The following PSMD12 variants were observed in gnomAD, a reference collection of about 807,000 sequenced individuals.
PSMD12 encodes the protein proteasome 26S subunit, non-ATPase 12, also known as 26S proteasome non-ATPase regulatory subunit 12.
In PSMD12, 8 loss-of-function variants were observed where a neutral mutation model predicts 62.9. The observed-to-expected ratio is 0.13, with a 90% CI of 0.07 to 0.23. The LOEUF (loss-of-function observed/expected upper bound fraction) is 0.23, where lower values mean the gene tolerates loss of function less well. PSMD12 is among the 10% of genes least tolerant of loss of function. The probability of loss-of-function intolerance (pLI) is 1.00; values close to 1 mark genes in which losing one functional copy is unlikely to be tolerated. For missense variants in PSMD12, 424 were observed against 550.2 expected (o/e 0.77, Z 2.29); for synonymous variants, 173 against 187.4 (o/e 0.92, Z 0.63).
intron 3 of PSMD12, among the ~76,000 whole-genome samples, chr17:67,356,315 T>C (rs1047425342): frequency 6.6e-6 from 1 of 151,428 alleles, no homozygotes; most frequent in Admixed American, 6.6e-5. Flanking sequence ...AAAATGAACT[T>C]TGGGAGGCCG....
chr17:67,357,959 T>C (rs914637634), intron 1 of PSMD12, among the ~76,000 whole-genome samples: 5 of 152,124 alleles, frequency 3.3e-5, no homozygotes, highest in African/African-American at 1.2e-4. Flanking sequence ...TCTCACTCTT[T>C]CACCCAGGCT....
chr17:67,345,564 C>A (rs2041957013), intron 8 of PSMD12, 181 bp downstream of exon 8: 2 of 549,664 alleles, frequency 3.6e-6, no homozygotes, highest in South Asian at 4.5e-5. Flanking sequence ...ATCACTTGAA[C>A]CCAGGAGGCA....
rs376729987 is a variant in PSMD12, at chr17:67,362,687, A to C, written c.108+3725T>G. ...AAAAAAAAAAAAACAAAAAAAACCC[A>C]AAAAAAAAACAAAAAAACAAAAAAA... On this transcript the variant is annotated intron_variant, in intron 1 of 10. Coordinates refer to ENST00000356126, the MANE Select transcript of PSMD12 (RefSeq NM_002816.5). The C allele has an allele frequency of 1.2e-3, 163 of 133,350 alleles. 1 individual carries two copies. The highest frequency in any genetic ancestry group is 4.0e-3 in the Middle Eastern group (1 of 252). The allele number at this position is 133,350 out of a possible 1,614,324, so 8.3% of individuals were successfully genotyped here.
At chr17:67,362,107 G>A (rs917638432) in intron 1 of PSMD12, among the ~76,000 whole-genome samples, 44 of 152,020 alleles carry the variant, frequency 2.9e-4, no homozygotes, top group Non-Finnish European at 1.9e-4. Flanking sequence ...GAGAATCAAA[G>A]GATACATTCA....
intron 3 of PSMD12, among the ~76,000 whole-genome samples, chr17:67,354,442 A>G (rs931858452): frequency 6.6e-6 from 1 of 152,080 alleles, no homozygotes; most frequent in Non-Finnish European, 1.5e-5. Flanking sequence ...AGCGTTAAGC[A>G]ACACCCCCTA....
intron 1 of PSMD12, among the ~76,000 whole-genome samples, chr17:67,358,219 G>T (rs768504789): frequency 3.9e-5 from 6 of 152,040 alleles, no homozygotes; most frequent in Non-Finnish European, 7.4e-5. Context: ...CACTGCATCT[G>T]GTGGATCCTG....
chr17:67,364,257 G>A (rs979004304), intron 1 of PSMD12, among the ~76,000 whole-genome samples: 2 of 151,622 alleles, frequency 1.3e-5, no homozygotes, highest in South Asian at 2.1e-4. Context: ...AAATTCAAAT[G>A]TATCTATCTT....
intron 10 of PSMD12, among the ~76,000 whole-genome samples, chr17:67,341,836 C>G (rs1425095994): frequency 6.6e-6 from 1 of 152,200 alleles, no homozygotes; most frequent in Non-Finnish European, 1.5e-5. Flanking sequence ...GATCAAGGAA[C>G]AAACCTTCCA....
intron 1 of PSMD12, among the ~76,000 whole-genome samples, chr17:67,361,580 TA>T (rs575628256): frequency 2.7e-5 from 4 of 150,668 alleles, no homozygotes; most frequent in South Asian, 2.1e-4. Context: ...AAACTCGGTC[TA>T]AAAAAAAAGT....
chr17:67,350,660 AG>A (rs1012131143), intron 3 of PSMD12, among the ~76,000 whole-genome samples: 4 of 152,216 alleles, frequency 2.6e-5, no homozygotes, highest in African/African-American at 9.6e-5. Context: ...ACTGTGACTG[AG>A]GAGGAAAAAG....
At chr17:67,363,082 G>A (rs1229533247) in intron 1 of PSMD12, among the ~76,000 whole-genome samples, 1 of 152,142 alleles carries the variant, frequency 6.6e-6, no homozygotes, top group African/African-American at 2.4e-5. Flanking sequence ...CCAACTCTAG[G>A]ATTTGTCTGC....
At chr17:67,358,388 C>A (rs747620895) in intron 1 of PSMD12, among the ~76,000 whole-genome samples, 5 of 151,436 alleles carry the variant, frequency 3.3e-5, no homozygotes, top group Non-Finnish European at 7.4e-5. Context: ...GGCTACATGG[C>A]GAAACCTGTC....
At chr17:67,353,057 T>C (rs903339080) in intron 3 of PSMD12, among the ~76,000 whole-genome samples, 7 of 152,182 alleles carry the variant, frequency 4.6e-5, no homozygotes, top group African/African-American at 1.7e-4. Flanking sequence ...GAGAGGATTT[T>C]TGGACATATT....
intron 5 of PSMD12, 110 bp from the exon 6 acceptor site, chr17:67,347,595 C>A: frequency 9.0e-7 from 1 of 1,108,280 alleles, no homozygotes; most frequent in Non-Finnish European, 1.3e-6. Flanking sequence ...TAAGAACCTT[C>A]ATGTATATAG....
At chr17:67,342,020 CACTTGAT>C (rs1270002270) in intron 10 of PSMD12, among the ~76,000 whole-genome samples, 159 bp downstream of exon 10, 2 of 152,208 alleles carry the variant, frequency 1.3e-5, no homozygotes, top group East Asian at 1.9e-4. Flanking sequence ...GACCTAGGAT[CACTTGAT>C]ACTTAAGTTA....
At position 67,338,804 on chromosome 17, in the gene PSMD12, A is replaced by C. The variant is rs1237796477; in HGVS notation, c.*2039T>G. The C allele has an allele frequency of 1.3e-5, 2 of 152,210 alleles. No homozygotes were observed. Among genetic ancestry groups the C allele is most frequent in the Non-Finnish European group, 2.9e-5 (2 of 68,044 alleles). The allele number at this position is 152,210 out of a possible 1,614,324, so 9.4% of individuals were successfully genotyped here. ...GAGGCAAAGGTTGCAGTGAGCCGAG[A>C]TCGTGACACTGCAATCCAGCCTGGG... is the stretch of plus-strand genomic sequence containing the variant. On this transcript the variant is annotated 3_prime_UTR_variant, in exon 11 of 11. Transcript: ENST00000356126.
At chr17:67,356,329 C>T (rs1054859842) in intron 3 of PSMD12, among the ~76,000 whole-genome samples, 13 of 151,406 alleles carry the variant, frequency 8.6e-5, no homozygotes, top group African/African-American at 1.5e-4. Context: ...GAGGCCGAGG[C>T]GGGCGGATCA....
intron 4 of PSMD12, 32 bp downstream of exon 4, chr17:67,350,197 A>C (rs1405923352): frequency 2.4e-5 from 35 of 1,437,758 alleles, no homozygotes; most frequent in Non-Finnish European, 3.3e-5. Flanking sequence ...AACAGTTCAT[A>C]TCATTTTGAG....
At chr17:67,353,110 A>G (rs779362632) in intron 3 of PSMD12, among the ~76,000 whole-genome samples, 4 of 152,144 alleles carry the variant, frequency 2.6e-5, no homozygotes, top group Non-Finnish European at 5.9e-5. Context: ...ATACGCTAAC[A>G]ATGCAATGGG....
Sources: gnomAD v4.1 joint callset for allele counts (sites outside exome capture counted in the v4.1 genomes callset) on GRCh38, gnomAD v4.1.1 for gene constraint, MANE v1.5 for transcripts, NCBI Gene and HGNC (gene_info 2026-07-23, HGNC 2026-07-21) for gene names.